PDE4B: variants seen among roughly 807,000 people sequenced by gnomAD.
PDE4B encodes the protein phosphodiesterase 4B.
In PDE4B, 20 loss-of-function variants were observed where a neutral mutation model predicts 82.2. The observed-to-expected ratio is 0.24, with a 90% CI of 0.17 to 0.35. The LOEUF (loss-of-function observed/expected upper bound fraction) is 0.35, where lower values mean the gene tolerates loss of function less well. PDE4B is among the 10% of genes least tolerant of loss of function. PDE4B has a pLI of 1.00. For synonymous variants in PDE4B, 320 were observed against 318.9 expected (o/e 1.00, Z -0.04); for missense variants, 655 against 907.2 (o/e 0.72, Z 3.57).
At chr1:65,951,124 G>A (rs1648970531) in intron 3 of PDE4B, among the ~76,000 whole-genome samples, 1 of 152,048 alleles carries the variant, frequency 6.6e-6, no homozygotes, top group Non-Finnish European at 1.5e-5. Flanking sequence ...CATCAAAAAT[G>A]TTATTCCCTA....
intron 4 of PDE4B, among the ~76,000 whole-genome samples, chr1:66,255,065 T>A (rs941594450): frequency 6.6e-6 from 1 of 151,968 alleles, no homozygotes; most frequent in Non-Finnish European, 1.5e-5. Context: ...TTTTCTTTTC[T>A]TTTTTTCTCT....
At chr1:65,951,787 T>C (rs1649013941) in intron 3 of PDE4B, among the ~76,000 whole-genome samples, 1 of 152,146 alleles carries the variant, frequency 6.6e-6, no homozygotes, top group African/African-American at 2.4e-5. Flanking sequence ...TAGATCCCAA[T>C]GTTCTTCCTC....
intron 3 of PDE4B, among the ~76,000 whole-genome samples, chr1:66,027,934 C>T (rs2100788030): frequency 6.6e-6 from 1 of 152,312 alleles, no homozygotes; most frequent in Non-Finnish European, 1.5e-5. Flanking sequence ...TGCGACTTTT[C>T]CAGGCACATG....
chr1:66,311,970 CCAAA>C, intron 7 of PDE4B, among the ~76,000 whole-genome samples: 2 of 152,134 alleles, frequency 1.3e-5, no homozygotes, highest in Non-Finnish European at 2.9e-5. Context: ...GTATAAATCC[CCAAA>C]TGTATAGGTC....
chr1:65,796,023 A>G (rs897348219), intron 1 of PDE4B, among the ~76,000 whole-genome samples: 1 of 152,208 alleles, frequency 6.6e-6, no homozygotes, highest in Non-Finnish European at 1.5e-5. Context: ...TTCTTCCAGC[A>G]CTTGAAAAAT....
At chr1:66,195,424 G>A (rs1648213698) in intron 3 of PDE4B, among the ~76,000 whole-genome samples, 1 of 152,052 alleles carries the variant, frequency 6.6e-6, no homozygotes, top group African/African-American at 2.4e-5. Context: ...TCTTTCATGG[G>A]GAACAGCCAA....
intron 3 of PDE4B, among the ~76,000 whole-genome samples, chr1:66,080,522 T>G (rs1656668409): frequency 6.6e-6 from 1 of 152,104 alleles, no homozygotes; most frequent in East Asian, 1.9e-4. Flanking sequence ...ACTGTTTGGA[T>G]GTTATTGCAG....
At chr1:66,103,340 G>A (rs934388695) in intron 3 of PDE4B, among the ~76,000 whole-genome samples, 1 of 151,968 alleles carries the variant, frequency 6.6e-6, no homozygotes, top group Admixed American at 6.6e-5. Flanking sequence ...CCAAAGAGTT[G>A]GAACTTTACA....
chr1:66,251,796 A>C (rs1266560877), intron 4 of PDE4B, among the ~76,000 whole-genome samples: 2 of 152,150 alleles, frequency 1.3e-5, no homozygotes, highest in Non-Finnish European at 2.9e-5. Flanking sequence ...AGGATATGAG[A>C]GGATGAGGAA....
At chr1:65,803,173 T>C (rs1316932724) in intron 1 of PDE4B, among the ~76,000 whole-genome samples, 3 of 152,188 alleles carry the variant, frequency 2.0e-5, no homozygotes, top group African/African-American at 7.2e-5. Flanking sequence ...TATTCTCCAA[T>C]TGATGTAGGC....
intron 3 of PDE4B, among the ~76,000 whole-genome samples, chr1:65,939,545 AC>A (rs1349588262): frequency 6.6e-6 from 1 of 152,120 alleles, no homozygotes; most frequent in Admixed American, 6.6e-5. Flanking sequence ...TCTCTTCATC[AC>A]AGAAGCTGAG....
intron 3 of PDE4B, among the ~76,000 whole-genome samples, chr1:66,218,082 T>C (rs760769018): frequency 1.1e-4 from 16 of 152,114 alleles, no homozygotes; most frequent in Non-Finnish European, 1.9e-4. Flanking sequence ...AGCCTGGTAA[T>C]TGATTATCCT....
chr1:65,889,149 A>T (rs1403168037), intron 1 of PDE4B, among the ~76,000 whole-genome samples: 2 of 152,068 alleles, frequency 1.3e-5, no homozygotes, highest in South Asian at 2.1e-4. Context: ...TCATGAAGGG[A>T]TGTTGAATTC....
At chr1:65,997,618 C>T (rs1179537833) in intron 3 of PDE4B, among the ~76,000 whole-genome samples, 2 of 152,132 alleles carry the variant, frequency 1.3e-5, no homozygotes, top group Non-Finnish European at 2.9e-5. Flanking sequence ...TGAATTCTAT[C>T]CTGGTAATAT....
At chr1:66,117,551 GT>G (rs937390767) in intron 3 of PDE4B, among the ~76,000 whole-genome samples, 99 of 149,874 alleles carry the variant, frequency 6.6e-4, no homozygotes, top group Non-Finnish European at 1.2e-3. Context: ...TTTTACCTAG[GT>G]TTTTTTTTTC....
intron 3 of PDE4B, among the ~76,000 whole-genome samples, chr1:65,990,673 G>T (rs114742684): frequency 4.6e-5 from 7 of 152,040 alleles, no homozygotes; most frequent in Admixed American, 3.3e-4. Context: ...TTACAATTTT[G>T]TAATTGAATT....
chr1:66,160,188 G>T (rs1268772623), intron 3 of PDE4B, among the ~76,000 whole-genome samples: 2 of 152,176 alleles, frequency 1.3e-5, no homozygotes, highest in Non-Finnish European at 2.9e-5. Flanking sequence ...AGAGGAGTAG[G>T]ACTGAGAGAA....
chr1:65,845,996 G>A (rs1183884596), intron 1 of PDE4B, among the ~76,000 whole-genome samples: 4 of 152,144 alleles, frequency 2.6e-5, no homozygotes, highest in Non-Finnish European at 5.9e-5. Flanking sequence ...CGCCTCCTCC[G>A]TGGGCTTTTC....
chr1:66,244,940 A>G (rs1254529328), intron 3 of PDE4B, among the ~76,000 whole-genome samples: 1 of 152,184 alleles, frequency 6.6e-6, no homozygotes, highest in African/African-American at 2.4e-5. Context: ...TTTAAGGGTA[A>G]TGCTTTGTGG....
Sources: gnomAD v4.1 joint callset for allele counts (sites outside exome capture counted in the v4.1 genomes callset) on GRCh38, gnomAD v4.1.1 for gene constraint, MANE v1.5 for transcripts, NCBI Gene and HGNC (gene_info 2026-07-23, HGNC 2026-07-21) for gene names.